RNF115: variants seen among roughly 807,000 people sequenced by gnomAD.
RNF115 encodes the protein E3 ubiquitin-protein ligase RNF115.
RNF115 carries 31 observed loss-of-function variants against 39.2 expected under a neutral mutation model. The observed-to-expected ratio is 0.79, with a 90% CI of 0.59 to 1.07. RNF115 has a LOEUF of 1.07. Among genes scored for constraint, RNF115 ranks in the 50% least tolerant of loss-of-function variants. RNF115 has a pLI of 0.00. For missense variants in RNF115, 384 were observed against 381.7 expected (o/e 1.01, Z -0.05); for synonymous variants, 124 against 131.0 (o/e 0.95, Z 0.37).
At position 145,791,232 on chromosome 1, in the gene RNF115, G is replaced by A. The variant is rs1229457253; in HGVS notation, c.103-2266C>T. 2.0e-5 allele frequency among the ~76,000 whole-genome samples: 3 copies of A among 151,630 alleles called. 1 individual carries two copies. Among genetic ancestry groups the A allele is most frequent in the African/African-American group, 4.8e-5 (2 of 41,248 alleles). On this transcript the variant is annotated intron_variant, in intron 1 of 8. Transcript: ENST00000582693. ...TGTACATACAAAAGACATAAACTGGGCCAGGTGTGGTGGCTCATGCCTGTA... is the reference window on the plus strand; with the variant it reads ...TGTACATACAAAAGACATAAACTGGACCAGGTGTGGTGGCTCATGCCTGTA...
At chr1:145,773,453 CAAAT>C (rs1339037074) in intron 3 of RNF115, 2 of 150,450 alleles carry the variant, frequency 1.3e-5, no homozygotes, top group Non-Finnish European at 3.0e-5. Context: ...CATTTCAAAA[CAAAT>C]AAACCAAAAA....
intron 1 of RNF115, among the ~76,000 whole-genome samples, chr1:145,809,075 G>A (rs1649582729): frequency 6.6e-6 from 1 of 152,018 alleles, no homozygotes; most frequent in African/African-American, 2.4e-5. Flanking sequence ...TATTCCACAA[G>A]AGGCTCCACT....
intron 4 of RNF115, among the ~76,000 whole-genome samples, chr1:145,755,843 T>C (rs1419888760): frequency 6.6e-6 from 1 of 152,156 alleles, no homozygotes; most frequent in Non-Finnish European, 1.5e-5. Flanking sequence ...TGTTATATAA[T>C]GGCAAAGCTG....
At chr1:145,792,502 GA>G (rs782182992) in intron 1 of RNF115, among the ~76,000 whole-genome samples, 20 of 147,486 alleles carry the variant, frequency 1.4e-4, no homozygotes, top group African/African-American at 3.7e-4. Flanking sequence ...TTTTTTAAAA[GA>G]AAAAAAAAAT....
Position 145,771,710 on chromosome 1 carries a change from C to T in RNF115, c.428+1G>A. 2 of 1,612,270 alleles carry T rather than the reference C, an allele frequency of 1.2e-6. No homozygotes were observed. Among genetic ancestry groups the T allele is most frequent in the Non-Finnish European group, 1.7e-6 (2 of 1,178,764 alleles). ...AAAGAACTTAAAATAAAACAACTCA[C>T]CCTTCAATAGCTGGAGATCTGTCAG... On this transcript the variant is annotated splice_donor_variant, in intron 4 of 8. Coordinates refer to ENST00000582693, the MANE Select transcript of RNF115 (RefSeq NM_014455.4). LOFTEE classifies it high-confidence loss of function.
At chr1:145,775,882 C>T (rs1286040209) in intron 3 of RNF115, among the ~76,000 whole-genome samples, 1 of 151,894 alleles carries the variant, frequency 6.6e-6, no homozygotes, top group Non-Finnish European at 1.5e-5. Context: ...CCTGTAGTCC[C>T]AGCTACTCAG....
At chr1:145,771,633 C>G in intron 4 of RNF115, 78 bp downstream of exon 4, 1 of 1,142,040 alleles carries the variant, frequency 8.8e-7, no homozygotes, top group South Asian at 1.4e-5. Flanking sequence ...AAGTATGAGA[C>G]CCTTATAAAG....
intron 3 of RNF115, among the ~76,000 whole-genome samples, chr1:145,780,716 C>T (rs587657338): frequency 6.8e-6 from 1 of 146,232 alleles, no homozygotes; most frequent in South Asian, 2.1e-4. Flanking sequence ...AAACAAATAA[C>T]AAATTTTATT....
At position 145,748,045 on chromosome 1, in the gene RNF115, G is replaced by GT; in HGVS notation, c.732dup (p.Pro245ThrfsTer19). On this transcript the variant is annotated frameshift_variant, in exon 8 of 9. Coordinates refer to ENST00000582693, the MANE Select transcript of RNF115 (RefSeq NM_014455.4). LOFTEE classifies it high-confidence loss of function. ...CTGCTGTGAAAGAAGTGATTGCAAG[G>GT]TAACTGCCGGACTTCCTCTTCAACT... is the stretch of plus-strand genomic sequence containing the variant. 6.2e-7 allele frequency: 1 copy of GT among 1,613,900 alleles called. No homozygotes were observed. The highest frequency in any genetic ancestry group is 8.5e-7 in the Non-Finnish European group (1 of 1,179,810).
intron 4 of RNF115, among the ~76,000 whole-genome samples, chr1:145,768,067 C>A (rs1647459868): frequency 6.6e-6 from 1 of 152,250 alleles, no homozygotes; most frequent in African/African-American, 2.4e-5. Flanking sequence ...CCAGCGAGGT[C>A]AGACGCTTGC....
rs1553711139 is a variant in RNF115, at chr1:145,742,723, T to C, written c.*4143A>G. 6.6e-6 allele frequency: 1 copy of C among 152,184 alleles called. No homozygotes were observed. The highest frequency in any genetic ancestry group is 2.4e-5 in the African/African-American group (1 of 41,444). The allele number at this position is 152,184 out of a possible 1,614,324, so 9.4% of individuals were successfully genotyped here. A position where few individuals can be genotyped will look rare whatever the true frequency, so the allele number is the denominator to read the frequency against. On this transcript the variant is annotated 3_prime_UTR_variant, in exon 9 of 9. Transcript: ENST00000582693. ...TTACACATATATACATATATAAAAA[T>C]GTGCAATACAAAGACATAAGCAAGG...
At chr1:145,765,309 G>A (rs1571724351) in intron 4 of RNF115, among the ~76,000 whole-genome samples, 2 of 151,940 alleles carry the variant, frequency 1.3e-5, no homozygotes, top group East Asian at 3.9e-4. Flanking sequence ...CTCTGCCTAG[G>A]AAAACCAGAG....
chr1:145,768,594 G>A (rs952276296), intron 4 of RNF115, among the ~76,000 whole-genome samples: 2 of 152,162 alleles, frequency 1.3e-5, no homozygotes, highest in African/African-American at 4.8e-5. Context: ...GATTACAGGT[G>A]TGAGCCACCG....
At chr1:145,763,392 T>A (rs1658606781) in intron 4 of RNF115, among the ~76,000 whole-genome samples, 1 of 150,628 alleles carries the variant, frequency 6.6e-6, no homozygotes, top group African/African-American at 2.4e-5. Context: ...AACAAAAGAG[T>A]AAAGCACAAT....
intron 3 of RNF115, among the ~76,000 whole-genome samples, chr1:145,781,749 ATT>A (rs1648156826): frequency 1.3e-5 from 2 of 152,152 alleles, no homozygotes; most frequent in African/African-American, 4.8e-5. Context: ...CAGACACAGG[ATT>A]TGAGCTCAGG....
intron 1 of RNF115, among the ~76,000 whole-genome samples, chr1:145,799,612 G>C (rs1649138979): frequency 6.7e-6 from 1 of 150,180 alleles, no homozygotes; most frequent in South Asian, 2.1e-4. Flanking sequence ...TGGGGGGAGG[G>C]GGTGGGTGAG....
chr1:145,819,288 A>G (rs1432423591), intron 1 of RNF115, among the ~76,000 whole-genome samples: 1 of 143,018 alleles, frequency 7.0e-6, no homozygotes, highest in African/African-American at 2.7e-5. Context: ...AAAAAAAAAA[A>G]AAAAAAAAAA....
chr1:145,818,292 T>A (rs1650078666), intron 1 of RNF115, among the ~76,000 whole-genome samples: 2 of 151,926 alleles, frequency 1.3e-5, no homozygotes, highest in South Asian at 4.2e-4. Flanking sequence ...ATAGCTATTC[T>A]GACTGGTGTG....
chr1:145,772,173 G>GC, intron 3 of RNF115: 1 of 352,992 alleles, frequency 2.8e-6, no homozygotes, highest in Non-Finnish European at 5.1e-6. Context: ...GTGTTTAAGA[G>GC]TTTCTACTGT....
Sources: gnomAD v4.1 joint callset for allele counts (sites outside exome capture counted in the v4.1 genomes callset) on GRCh38, gnomAD v4.1.1 for gene constraint, MANE v1.5 for transcripts, NCBI Gene and HGNC (gene_info 2026-07-23, HGNC 2026-07-21) for gene names.